Variants in PTGFR observed in about 807,000 individuals in gnomAD.
PTGFR encodes the protein prostaglandin F2-alpha receptor.
PTGFR carries 15 observed loss-of-function variants against 26.2 expected under a neutral mutation model. That is an observed-to-expected ratio of 0.57 (90% CI 0.38 to 0.88). The LOEUF (loss-of-function observed/expected upper bound fraction) is 0.88. PTGFR is among the 40% of genes least tolerant of loss of function. The pLI is 0.00. For missense variants in PTGFR, 369 were observed against 427.2 expected (o/e 0.86, Z 1.20); for synonymous variants, 165 against 151.1 (o/e 1.09, Z -0.68).
intron 2 of PTGFR, among the ~76,000 whole-genome samples, chr1:78,502,847 C>T (rs2100359296): frequency 6.6e-6 from 1 of 152,024 alleles, no homozygotes; most frequent in Admixed American, 6.6e-5. Context: ...AACAATAGTA[C>T]TTATAAGATA....
intron 2 of PTGFR, among the ~76,000 whole-genome samples, chr1:78,536,143 CT>C (rs1035180040): frequency 2.8e-4 from 43 of 152,164 alleles, no homozygotes; most frequent in African/African-American, 1.0e-3. Context: ...AGTGTTTGTT[CT>C]CCCTTAGGTG....
At chr1:78,522,782 A>C (rs1650278047) in intron 2 of PTGFR, among the ~76,000 whole-genome samples, 1 of 152,030 alleles carries the variant, frequency 6.6e-6, no homozygotes. Context: ...GTTTTTTCTA[A>C]AAAAACAGTT....
chr1:78,500,005 T>G (rs1649662152), intron 2 of PTGFR, among the ~76,000 whole-genome samples: 1 of 152,060 alleles, frequency 6.6e-6, no homozygotes, highest in Non-Finnish European at 1.5e-5. Flanking sequence ...GATTAATTTA[T>G]CCCCAGTCTT....
intron 2 of PTGFR, among the ~76,000 whole-genome samples, chr1:78,526,564 T>G (rs1268203712): frequency 6.6e-6 from 1 of 152,102 alleles, no homozygotes; most frequent in African/African-American, 2.4e-5. Flanking sequence ...GTGATTTTAT[T>G]GGAATGAAGC....
intron 2 of PTGFR, among the ~76,000 whole-genome samples, chr1:78,523,309 T>G (rs1407917717): frequency 1.3e-5 from 2 of 152,184 alleles, no homozygotes; most frequent in Non-Finnish European, 2.9e-5. Context: ...ACAGAAAGAT[T>G]GAATTAATTT....
chr1:78,527,014 C>G (rs1156551952), intron 2 of PTGFR, among the ~76,000 whole-genome samples: 1 of 152,096 alleles, frequency 6.6e-6, no homozygotes, highest in Non-Finnish European at 1.5e-5. Context: ...TTGACACATT[C>G]TCAAGGTTTT....
intron 2 of PTGFR, among the ~76,000 whole-genome samples, chr1:78,513,916 C>T (rs917731979): frequency 3.9e-5 from 6 of 152,198 alleles, no homozygotes; most frequent in Non-Finnish European, 7.3e-5. Context: ...TAGCATCTTC[C>T]GTATGGTGTT....
intron 2 of PTGFR, among the ~76,000 whole-genome samples, chr1:78,514,129 C>A (rs1052493386): frequency 2.0e-5 from 3 of 152,200 alleles, no homozygotes; most frequent in Admixed American, 2.0e-4. Flanking sequence ...GAGGCACTGC[C>A]TAGTGGAACT....
chr1:78,493,373 C>G lies in PTGFR; in HGVS notation c.630C>G (p.Leu210=). 1 of 1,613,970 alleles carries G rather than the reference C, an allele frequency of 6.2e-7. No individual in the cohort carries two copies. Among genetic ancestry groups the G allele is most frequent in the Non-Finnish European group, 8.5e-7 (1 of 1,179,978 alleles). ...TTCTACTTTTTTCTTTTCTGGGGCT[C>G]TTAGCCCTTGGTGTTTCATTGTTGT... ...FYLLLFSFLG[L]LALGVSLLCN... The change falls in exon 2 of 3, where the codon CTC becomes CTG. Residue 210 remains leucine (L), a synonymous_variant. Transcript: ENST00000370757.
chr1:78,503,493 A>G (rs963900119), intron 2 of PTGFR, among the ~76,000 whole-genome samples: 3 of 152,188 alleles, frequency 2.0e-5, no homozygotes, highest in African/African-American at 4.8e-5. Context: ...TAATTTATTC[A>G]TTGATTTATT....
At chr1:78,491,531 G>A (rs1187168851) in intron 1 of PTGFR, among the ~76,000 whole-genome samples, 1 of 152,234 alleles carries the variant, frequency 6.6e-6, no homozygotes, top group Non-Finnish European at 1.5e-5. Context: ...GCGGCACTGC[G>A]AGTTCCTCAC....
chr1:78,512,272 T>G (rs961648773), intron 2 of PTGFR, among the ~76,000 whole-genome samples: 2 of 152,222 alleles, frequency 1.3e-5, no homozygotes, highest in Admixed American at 6.5e-5. Context: ...GAATTTTCAA[T>G]GTTAGTTCAT....
intron 2 of PTGFR, among the ~76,000 whole-genome samples, chr1:78,512,767 A>G (rs1329211510): frequency 1.3e-5 from 2 of 152,194 alleles, no homozygotes; most frequent in Non-Finnish European, 2.9e-5. Flanking sequence ...GAGGTGACAG[A>G]ATCATGGAGG....
At chr1:78,530,374 A>G (rs1010502057) in intron 2 of PTGFR, among the ~76,000 whole-genome samples, 1 of 152,160 alleles carries the variant, frequency 6.6e-6, no homozygotes, top group African/African-American at 2.4e-5. Flanking sequence ...ACCAGTTCCT[A>G]CTTTTTTAAA....
chr1:78,508,531 T>C (rs1570278882), intron 2 of PTGFR, among the ~76,000 whole-genome samples: 1 of 152,260 alleles, frequency 6.6e-6, no homozygotes, highest in African/African-American at 2.4e-5. Flanking sequence ...TGAATGTCAC[T>C]GTCCCCATAG....
chr1:78,526,331 G>A (rs913822522), intron 2 of PTGFR, among the ~76,000 whole-genome samples: 1 of 152,088 alleles, frequency 6.6e-6, no homozygotes, highest in Non-Finnish European at 1.5e-5. Context: ...TCTAGAGATA[G>A]TGTTAAATGA....
chr1:78,514,115 C>T (rs1452650334), intron 2 of PTGFR, among the ~76,000 whole-genome samples: 1 of 152,204 alleles, frequency 6.6e-6, no homozygotes, highest in Non-Finnish European at 1.5e-5. Flanking sequence ...ACAGAGTCCC[C>T]AGAGAGGCAC....
chr1:78,501,795 C>T (rs1649712695), intron 2 of PTGFR, among the ~76,000 whole-genome samples: 2 of 152,118 alleles, frequency 1.3e-5, no homozygotes, highest in Non-Finnish European at 2.9e-5. Flanking sequence ...CTTAGAGTTA[C>T]TCTAAGACAA....
chr1:78,527,004 T>G (rs1218108179), intron 2 of PTGFR, among the ~76,000 whole-genome samples: 1 of 152,112 alleles, frequency 6.6e-6, no homozygotes, highest in African/African-American at 2.4e-5. Context: ...GTGGACCACT[T>G]TGACACATTC....
Sources: gnomAD v4.1 joint callset for allele counts (sites outside exome capture counted in the v4.1 genomes callset) on GRCh38, gnomAD v4.1.1 for gene constraint, MANE v1.5 for transcripts, NCBI Gene and HGNC (gene_info 2026-07-23, HGNC 2026-07-21) for gene names.